DCUN1D5: variants seen among roughly 807,000 people sequenced by gnomAD.
The protein encoded by DCUN1D5 is defective in cullin neddylation 1 domain containing 5, also known as DCN1-like protein 5.
A neutral mutation model predicts 38.3 loss-of-function variants in DCUN1D5; 10 were observed. The observed-to-expected ratio is 0.26, with a 90% CI of 0.16 to 0.44. The LOEUF is 0.44. Ranked by LOEUF, DCUN1D5 falls within the 20% of genes least tolerant of loss-of-function variation. DCUN1D5 has a pLI of 1.00. For synonymous variants in DCUN1D5, 93 were observed against 90.9 expected, an observed-to-expected ratio of 1.02 and a Z score of -0.13; for missense variants, 148 against 275.3, an observed-to-expected ratio of 0.54 and a Z score of 3.27.
Position 103,064,340 on chromosome 11 carries a change from T to A in DCUN1D5, c.593A>T (p.Tyr198Phe). 6.2e-7 allele frequency: 1 copy of A among 1,610,224 alleles called. No individual in the cohort carries two copies. The highest frequency in any genetic ancestry group is 8.5e-7 in the Non-Finnish European group (1 of 1,178,710). ...TGTTCTGCTGAATTCTAATACATTG[T>A]ACCATTGATCTTTGTTCATAACACG... ...KYRVMNKDQW[Y>F]NVLEFSRTVH... is the part of the protein sequence containing the mutation. Residue 198 changes from tyrosine to phenylalanine, a missense_variant, in exon 7 of 8, where the codon TAC becomes TTC. Transcript: ENST00000260247. This position sits in a 1 kb window ranked among gnomAD's most constrained non-coding sequence, Gnocchi z 4.5.
At position 103,066,366 on chromosome 11, in the gene DCUN1D5, T is replaced by C. The variant is rs567495356; in HGVS notation, c.458A>G (p.Asp153Gly). Residue 153 changes from aspartate to glycine, a missense_variant, in exon 6 of 8, where the codon GAT becomes GGT. Transcript: ENST00000260247. The surrounding 1 kb of genome is among the most constrained non-coding windows in gnomAD (Gnocchi z 4.7). ...AGTATCAATATCAAGGCTTCTCTGA[T>C]CTTTATCCTAAAATATAAGTGAAAA... ...RYAFDFARDK[D>G]QRSLDIDTAK... 20 of 1,608,598 alleles carry C rather than the reference T, an allele frequency of 1.2e-5. 1 individual carries two copies. The South Asian group carries it at 2.2e-4, about 18-fold the overall frequency.
rs1861913400 is a variant in DCUN1D5 at position 103,057,899 on chromosome 11, A to G, written c.*4460T>C. ...CAAACCCATGAAGTATGTGGAAAAA[A>G]TTCATTAATATCTTAAAGCTCAGAA... On this transcript the variant is annotated 3_prime_UTR_variant, in exon 8 of 8. Transcript: ENST00000260247. The surrounding 1 kb of genome is among the most constrained non-coding windows in gnomAD (Gnocchi z 4.8). 6.6e-6 allele frequency among the ~76,000 whole-genome samples: 1 copy of G among 152,210 alleles called. No individual in the cohort carries two copies. Among genetic ancestry groups the G allele is most frequent in the African/African-American group, 2.4e-5 (1 of 41,462 alleles).
intron 2 of DCUN1D5, among the ~76,000 whole-genome samples, chr11:103,085,396 C>T (rs1487124079): frequency 1.3e-5 from 2 of 152,266 alleles, no homozygotes; most frequent in Middle Eastern, 3.4e-3. Context: ...GAGATTGCGC[C>T]ACTGCACTCC....
rs1318853766 is a variant in DCUN1D5 at position 103,071,580 on chromosome 11, CTATG to C, written c.342-5017_342-5014del. 6.7e-6 allele frequency among the ~76,000 whole-genome samples: 1 copy of C among 149,374 alleles called. No homozygotes were observed. On this transcript the variant is annotated intron_variant, in intron 4 of 7. Transcript: ENST00000260247. This position sits in a 1 kb window ranked among gnomAD's most constrained non-coding sequence, Gnocchi z 4.1. ...TGATTTATATAGATATAATCTATAT[CTATG>C]TAAATATTTTATATAGAGATTTTAC...
In DCUN1D5 at chr11:103,071,761, C is replaced by T. The variant is rs548044358; in HGVS notation, c.342-5194G>A. On this transcript the variant is annotated intron_variant, in intron 4 of 7. Coordinates refer to ENST00000260247, the MANE Select transcript of DCUN1D5 (RefSeq NM_032299.4). This position sits in a 1 kb window ranked among gnomAD's most constrained non-coding sequence, Gnocchi z 4.1. ...GTCTGAGTAGACCTGTTATTATTAACGAAATTGAACTCAAAATTTTTAAAC... is the reference window on the plus strand; with the variant it reads ...GTCTGAGTAGACCTGTTATTATTAATGAAATTGAACTCAAAATTTTTAAAC... Among the ~76,000 whole-genome samples the T allele has an allele frequency of 8.0e-5, 12 of 150,914 alleles. No individual in the cohort carries two copies. The highest frequency in any genetic ancestry group is 6.2e-4 in the South Asian group (3 of 4,808).
Position 103,083,176 on chromosome 11 carries a change from T to C in DCUN1D5, c.249+80A>G. 1.4e-6 allele frequency: 1 copy of C among 727,638 alleles called. No individual in the cohort carries two copies. Among genetic ancestry groups the C allele is most frequent in the Non-Finnish European group, 2.4e-6 (1 of 411,820 alleles). The allele number at this position is 727,638 out of a possible 1,614,324, so 45.1% of individuals were successfully genotyped here. On this transcript the variant is annotated intron_variant, in intron 3 of 7. Coordinates refer to ENST00000260247, the MANE Select transcript of DCUN1D5 (RefSeq NM_032299.4). The surrounding 1 kb of genome is among the most constrained non-coding windows in gnomAD (Gnocchi z 4.4). The stretch of plus-strand genomic sequence containing the variant: ...GAAGAAATAAAATCTTCATACAAGA[T>C]TAAAGTGTCTCGATTTTTAGTAATT...
Position 103,073,039 on chromosome 11 carries a change from G to A in DCUN1D5, c.342-6472C>T, listed in dbSNP as rs1430285039. On this transcript the variant is annotated intron_variant, in intron 4 of 7. Transcript: ENST00000260247. The surrounding 1 kb of genome is among the most constrained non-coding windows in gnomAD (Gnocchi z 4.2). ...TAGAACGAACAGGTGAGTTCAGCAA[G>A]GTCACAGGATACAAGATAAACATAT... Among the ~76,000 whole-genome samples the A allele has an allele frequency of 6.6e-6, 1 of 152,028 alleles. No individual in the cohort carries two copies. Among genetic ancestry groups the A allele is most frequent in the Non-Finnish European group, 1.5e-5 (1 of 68,010 alleles).
Position 103,064,340 on chromosome 11 carries a change from T to G in DCUN1D5, c.593A>C (p.Tyr198Ser), listed in dbSNP as rs61732567. 1 of 1,610,224 alleles carries G rather than the reference T, an allele frequency of 6.2e-7. No individual in the cohort carries two copies. The highest frequency in any genetic ancestry group is 8.5e-7 in the Non-Finnish European group (1 of 1,178,710). Residue 198 changes from tyrosine to serine, a missense_variant, in exon 7 of 8, where the codon TAC becomes TCC. Tyr to Ser is a moderately radical substitution (Grantham distance 144). Coordinates refer to ENST00000260247, the MANE Select transcript of DCUN1D5 (RefSeq NM_032299.4). This position sits in a 1 kb window ranked among gnomAD's most constrained non-coding sequence, Gnocchi z 4.5. ...KYRVMNKDQW[Y>S]NVLEFSRTVH... ...TGTTCTGCTGAATTCTAATACATTG[T>G]ACCATTGATCTTTGTTCATAACACG...
rs1341099605 is a variant in DCUN1D5 at position 103,083,240 on chromosome 11, T to A, written c.249+16A>T. Reference sequence around the variant, plus strand: ...TACCCCACTTATATGCCATTCTACTTAGAAATAAAACATACATTTTCAGGT... The same window carrying A: ...TACCCCACTTATATGCCATTCTACTAAGAAATAAAACATACATTTTCAGGT... On this transcript the variant is annotated intron_variant, in intron 3 of 7. Coordinates refer to ENST00000260247, the MANE Select transcript of DCUN1D5 (RefSeq NM_032299.4). This position sits in a 1 kb window ranked among gnomAD's most constrained non-coding sequence, Gnocchi z 4.4. 1 of 1,428,014 alleles carries A rather than the reference T, an allele frequency of 7.0e-7. No individual in the cohort carries two copies. The highest frequency in any genetic ancestry group is 1.7e-5 in the Admixed American group (1 of 59,350). The allele number at this position is 1,428,014 out of a possible 1,614,324, so 88.5% of individuals were successfully genotyped here. A position where few individuals can be genotyped will look rare whatever the true frequency, so the allele number is the denominator to read the frequency against.
rs1426250213 is a variant in DCUN1D5 at position 103,052,617 on chromosome 11, G to A, written c.*9742C>T. 6.6e-6 allele frequency: 1 copy of A among 152,060 alleles called. No homozygotes were observed. Among genetic ancestry groups the A allele is most frequent in the Non-Finnish European group, 1.5e-5 (1 of 67,994 alleles). The allele number at this position is 152,060 out of a possible 1,614,324, so 9.4% of individuals were successfully genotyped here. Reference sequence around the variant, plus strand: ...GATATTGATTCATTCCTTCATTCTTGTATCTACTCCAAGTCTCTCTTGGTA... The same window carrying A: ...GATATTGATTCATTCCTTCATTCTTATATCTACTCCAAGTCTCTCTTGGTA... On this transcript the variant is annotated 3_prime_UTR_variant, in exon 8 of 8. Coordinates refer to ENST00000260247, the MANE Select transcript of DCUN1D5 (RefSeq NM_032299.4).
intron 4 of DCUN1D5, among the ~76,000 whole-genome samples, chr11:103,069,444 G>T (rs752502264): frequency 5.3e-5 from 8 of 152,066 alleles, no homozygotes; most frequent in Non-Finnish European, 1.0e-4. Context: ...AGACTGAATG[G>T]GGACCTAAAA....
rs1861936963 is a variant in DCUN1D5, at chr11:103,058,717, T to C, written c.*3642A>G. ...TAATAATTCAGACTAGCCTTTCCTA[T>C]TGAGGAAGTTAATGAAATTGTTATT... On this transcript the variant is annotated 3_prime_UTR_variant, in exon 8 of 8. Transcript: ENST00000260247. Among the ~76,000 whole-genome samples the C allele has an allele frequency of 6.6e-6, 1 of 152,096 alleles. No individual in the cohort carries two copies. The highest frequency in any genetic ancestry group is 2.4e-5 in the African/African-American group (1 of 41,456).
In DCUN1D5 at chr11:103,090,492, G is replaced by A. The variant is rs1345602789; in HGVS notation, c.87-1174C>T. 2.0e-5 allele frequency among the ~76,000 whole-genome samples: 3 copies of A among 152,178 alleles called. No individual in the cohort carries two copies. The East Asian group carries it at 5.8e-4, about 29-fold the overall frequency. On this transcript the variant is annotated intron_variant, in intron 1 of 7. Transcript: ENST00000260247. Reference sequence around the variant, plus strand: ...ACAGTTTAAGCAGATCTCTCTTTAAGGAGAGCTCTATCATTATTTCCTTCT... The same window carrying A: ...ACAGTTTAAGCAGATCTCTCTTTAAAGAGAGCTCTATCATTATTTCCTTCT...
intron 4 of DCUN1D5, among the ~76,000 whole-genome samples, chr11:103,068,871 A>G (rs545677549): frequency 4.3e-4 from 65 of 152,202 alleles, no homozygotes; most frequent in Admixed American, 2.0e-3. Flanking sequence ...GTTCAAAAAT[A>G]CATGCATATT....
Position 103,066,614 on chromosome 11 carries a change from A to G in DCUN1D5, c.342-47T>C, listed in dbSNP as rs201360219. ...ACAAATTACATAATCAAGAAAATCA[A>G]ATAAAAGTATCACTGGGGGTTAGAC... On this transcript the variant is annotated intron_variant, in intron 4 of 7. Coordinates refer to ENST00000260247, the MANE Select transcript of DCUN1D5 (RefSeq NM_032299.4). The surrounding 1 kb of genome is among the most constrained non-coding windows in gnomAD (Gnocchi z 4.7). 99 of 1,220,676 alleles carry G rather than the reference A, an allele frequency of 8.1e-5. No homozygotes were observed. The African/African-American group carries it at 1.4e-3, about 17-fold the overall frequency. The allele number at this position is 1,220,676 out of a possible 1,614,324, so 75.6% of individuals were successfully genotyped here.
chr11:103,092,108 C>T lies in DCUN1D5; in HGVS notation c.-236G>A. 2.0e-6 allele frequency: 1 copy of T among 491,784 alleles called. No individual in the cohort carries two copies. Among genetic ancestry groups the T allele is most frequent in the Non-Finnish European group, 3.6e-6 (1 of 278,182 alleles). The allele number at this position is 491,784 out of a possible 1,614,324, so 30.5% of individuals were successfully genotyped here. Reference sequence around the variant, plus strand: ...GCCGGTGGACACTGCGGTTCGTTCTCACCGGGAGGAGATAACGCGGACAGC... The same window carrying T: ...GCCGGTGGACACTGCGGTTCGTTCTTACCGGGAGGAGATAACGCGGACAGC... On this transcript the variant is annotated 5_prime_UTR_variant, in exon 1 of 8. Coordinates refer to ENST00000260247, the MANE Select transcript of DCUN1D5 (RefSeq NM_032299.4).
Position 103,087,333 on chromosome 11 carries a change from G to A in DCUN1D5, c.178+1894C>T, listed in dbSNP as rs1026947360. Among the ~76,000 whole-genome samples the A allele has an allele frequency of 6.6e-6, 1 of 151,904 alleles. No individual in the cohort carries two copies. Among genetic ancestry groups the A allele is most frequent in the Non-Finnish European group, 1.5e-5 (1 of 67,990 alleles). On this transcript the variant is annotated intron_variant, in intron 2 of 7. Transcript: ENST00000260247. The surrounding 1 kb of genome is among the most constrained non-coding windows in gnomAD (Gnocchi z 4.1). ...CTACAGGCGCACACCACCACGCCCG[G>A]CTAATTGTTTGTGTTTTTGGTAGAG... is the stretch of plus-strand genomic sequence containing the variant.
At chr11:103,075,271 G>A (rs1033301980) in intron 4 of DCUN1D5, among the ~76,000 whole-genome samples, 3 of 152,194 alleles carry the variant, frequency 2.0e-5, no homozygotes, top group East Asian at 3.9e-4. Context: ...CTAGGAATAG[G>A]TAGGTTTCTT....
rs1862755523 is a variant in DCUN1D5 at position 103,087,891 on chromosome 11, T to C, written c.178+1336A>G. Among the ~76,000 whole-genome samples the C allele has an allele frequency of 6.6e-6, 1 of 152,174 alleles. No homozygotes were observed. The highest frequency in any genetic ancestry group is 1.5e-5 in the Non-Finnish European group (1 of 68,022). On this transcript the variant is annotated intron_variant, in intron 2 of 7. Transcript: ENST00000260247. This position sits in a 1 kb window ranked among gnomAD's most constrained non-coding sequence, Gnocchi z 4.1. The stretch of plus-strand genomic sequence containing the variant: ...AGTAACCTTTATAAGTGAAATAAGA[T>C]GGGTGACCTTTTGATTATATATCAT...
Sources: allele counts gnomAD v4.1 joint callset (sites outside exome capture counted in the v4.1 genomes callset), GRCh38; gene constraint gnomAD v4.1.1; non-coding constraint Gnocchi (gnomAD v3.1); transcripts MANE v1.5; gene names NCBI Gene and HGNC (gene_info 2026-07-23, HGNC 2026-07-21).